The following OPHN1 variants were observed in gnomAD, a reference collection of about 807,000 sequenced individuals.
The protein encoded by OPHN1 is oligophrenin-1.
A neutral mutation model predicts 60.7 loss-of-function variants in OPHN1; 11 were observed. The ratio of observed to expected loss-of-function variants is 0.18; its 90% CI spans 0.11 to 0.30. The LOEUF is 0.30. OPHN1 is among the 10% of genes least tolerant of loss of function. The pLI is 1.00. For missense variants in OPHN1, 449 were observed against 611.0 expected (o/e 0.73, Z 2.80); for synonymous variants, 226 against 222.6 (o/e 1.02, Z -0.14).
chrX:68,068,425 C>A (rs776156092), intron 20 of OPHN1, among the ~76,000 whole-genome samples: 1 of 95,529 alleles, frequency 1.0e-5, no homozygotes, highest in African/African-American at 3.8e-5. Context: ...GAGCTGAGAT[C>A]GCGCCATTGC....
chrX:68,425,347 C>T (rs1263931729), intron 2 of OPHN1, among the ~76,000 whole-genome samples: 1 of 112,524 alleles, frequency 8.9e-6, no homozygotes, highest in African/African-American at 3.2e-5. Context: ...AGAATCAATT[C>T]ACATTGTTTG....
chrX:68,290,592 C>T (rs2078066175), intron 3 of OPHN1, among the ~76,000 whole-genome samples: 1 of 104,315 alleles, frequency 9.6e-6, no homozygotes, highest in African/African-American at 3.8e-5. Context: ...GAGCAAGACT[C>T]CATCTCAAAA....
chrX:68,428,244 A>G (rs1213165565), intron 2 of OPHN1, among the ~76,000 whole-genome samples: 2 of 111,788 alleles, frequency 1.8e-5, no homozygotes, highest in Non-Finnish European at 3.8e-5. Context: ...TTCCTCATCT[A>G]AAAAATGGGA....
At chrX:68,292,235 T>C (rs1043488780) in intron 3 of OPHN1, among the ~76,000 whole-genome samples, 12 of 111,544 alleles carry the variant, frequency 1.1e-4, no homozygotes, top group African/African-American at 3.6e-4. Context: ...TCTTGGTATA[T>C]TCTAACTATA....
intron 19 of OPHN1, among the ~76,000 whole-genome samples, chrX:68,077,855 T>G (rs2076959160): frequency 8.9e-6 from 1 of 112,063 alleles, no homozygotes; most frequent in Non-Finnish European, 1.9e-5. Flanking sequence ...CTCTAAAATA[T>G]TTTTTATTGT....
At chrX:68,064,967 G>A (rs2076907775) in intron 20 of OPHN1, among the ~76,000 whole-genome samples, 1 of 110,713 alleles carries the variant, frequency 9.0e-6, no homozygotes, top group South Asian at 3.9e-4. Flanking sequence ...ACACGAAGGG[G>A]AACATCACAC....
intron 15 of OPHN1, among the ~76,000 whole-genome samples, chrX:68,182,489 T>C (rs2077442717): frequency 9.0e-6 from 1 of 110,769 alleles, no homozygotes; most frequent in Non-Finnish European, 1.9e-5. Flanking sequence ...CTTTGGCCTT[T>C]TCAGAAATCT....
At chrX:68,182,745 T>C (rs1386437968) in intron 15 of OPHN1, among the ~76,000 whole-genome samples, 1 of 111,201 alleles carries the variant, frequency 9.0e-6, no homozygotes, top group Admixed American at 9.6e-5. Flanking sequence ...ACCCTGTTTC[T>C]ACCAAAAAAT....
chrX:68,209,599 C>T (rs775773975), intron 9 of OPHN1, among the ~76,000 whole-genome samples: 10 of 111,472 alleles, frequency 9.0e-5, no homozygotes, highest in Non-Finnish European at 1.3e-4. Context: ...ACATATGACC[C>T]TAATGCAGAC....
At chrX:68,218,591 C>T (rs1451906903) in intron 6 of OPHN1, among the ~76,000 whole-genome samples, 2 of 110,316 alleles carry the variant, frequency 1.8e-5, no homozygotes, top group African/African-American at 6.6e-5. Context: ...TCGGCAGAAA[C>T]CCTACAAGCC....
intron 5 of OPHN1, among the ~76,000 whole-genome samples, chrX:68,245,624 C>T (rs2077801944): frequency 9.0e-6 from 1 of 111,488 alleles, no homozygotes; most frequent in Admixed American, 9.6e-5. Context: ...ACCAGCCTGA[C>T]TCTGACTTTG....
At chrX:68,212,078 C>A in intron 8 of OPHN1, 30 bp downstream of exon 8, 1 of 1,032,729 alleles carries the variant, frequency 9.7e-7, no homozygotes, top group Non-Finnish European at 1.4e-6. Flanking sequence ...AATGGAAAGA[C>A]CGGTGAGAAA....
At chrX:68,306,630 A>G (rs920929873) in intron 2 of OPHN1, among the ~76,000 whole-genome samples, 9 of 112,560 alleles carry the variant, frequency 8.0e-5, no homozygotes, top group African/African-American at 2.9e-4. Flanking sequence ...AAATGAATGT[A>G]TGACTTTAAA....
intron 2 of OPHN1, among the ~76,000 whole-genome samples, chrX:68,359,810 C>T (rs144707938): frequency 0.083 from 7,769 of 93,829 alleles, 355 homozygotes; most frequent in African/African-American, 0.16. Flanking sequence ...GAACGGAGAT[C>T]GTGCCACTGC....
At chrX:68,116,687 A>G (rs990220954) in intron 16 of OPHN1, among the ~76,000 whole-genome samples, 1 of 111,543 alleles carries the variant, frequency 9.0e-6, no homozygotes, top group African/African-American at 3.3e-5. Context: ...AAGCTACCCA[A>G]ATTCGACATA....
intron 2 of OPHN1, among the ~76,000 whole-genome samples, chrX:68,366,666 A>G (rs2012651040): frequency 9.0e-6 from 1 of 111,331 alleles, no homozygotes; most frequent in Non-Finnish European, 1.9e-5. Context: ...CATATTTTAC[A>G]TTTTAACATT....
chrX:68,401,482 G>A (rs779612310), intron 2 of OPHN1, among the ~76,000 whole-genome samples: 8 of 112,081 alleles, frequency 7.1e-5, no homozygotes, highest in East Asian at 2.8e-4. Flanking sequence ...AAATTGTACC[G>A]TAACACAATT....
In OPHN1 at chrX:68,201,643, C is replaced by A; in HGVS notation, c.1001G>T (p.Cys334Phe). The A allele has an allele frequency of 1.7e-6, 2 of 1,210,695 alleles. No homozygotes were observed. The highest frequency in any genetic ancestry group is 2.2e-6 in the Non-Finnish European group (2 of 894,428). ...RKTESIDKRF[C>F]FDIETNERPG... ...CCTTTCATTAGTTTCTATGTCAAAA[C>A]AGAACCTCTTGTCGATAGACTCCGT... The change falls in exon 11 of 25, where the codon TGT becomes TTT. Residue 334 changes from cysteine (C) to phenylalanine (F), a missense_variant. By Grantham distance (205) the Cys-to-Phe change is radical. This residue lies in a region of OPHN1 where 166 missense variants were observed against 278.4 expected (regional missense o/e 0.60). Coordinates refer to ENST00000355520, the MANE Select transcript of OPHN1 (RefSeq NM_002547.3).
chrX:68,310,068 G>A (rs1014330219), intron 2 of OPHN1, among the ~76,000 whole-genome samples: 1 of 112,071 alleles, frequency 8.9e-6, no homozygotes, highest in African/African-American at 3.2e-5. Context: ...AGGCTCACAG[G>A]TACCTAACCC....
Sources: allele counts gnomAD v4.1 joint callset (sites outside exome capture counted in the v4.1 genomes callset), GRCh38; gene constraint gnomAD v4.1.1; regional missense constraint gnomAD v4.1.1; transcripts MANE v1.5; gene names NCBI Gene and HGNC (gene_info 2026-07-23, HGNC 2026-07-21).